Variants in COL6A2 observed in about 807,000 individuals in gnomAD.
COL6A2 encodes collagen type VI alpha 2 chain.
A neutral mutation model predicts 124.9 loss-of-function variants in COL6A2; 90 were observed. That is an observed-to-expected ratio of 0.72 (90% CI 0.61 to 0.86). The LOEUF (loss-of-function observed/expected upper bound fraction) is 0.86. COL6A2 is among the 40% of genes least tolerant of loss of function. The pLI, the probability that COL6A2 is intolerant of heterozygous loss-of-function variation, is 0.00. For missense variants in COL6A2, 1,607 were observed against 1,502.5 expected (o/e 1.07, Z -1.15); for synonymous variants, 793 against 618.2 (o/e 1.28, Z -4.19).
rs572345625 is a variant in COL6A2 at position 46,116,049 on chromosome 21, C to T, written c.896C>T (p.Pro299Leu). ...GIEGPIGFPG[P>L]KGVPGFKGEK... ...GAAGGCCCCATTGGATTCCCAGGAC[C>T]CAAGGTGAGTGACCTCGGCCAGGGG... is the stretch of plus-strand genomic sequence containing the variant. Residue 299 changes from proline (P) to leucine (L), a missense_variant, in exon 7 of 28, where the codon CCC becomes CTC. Pro to Leu is a moderately conservative substitution (Grantham distance 98). Coordinates refer to ENST00000300527, the MANE Select transcript of COL6A2 (RefSeq NM_001849.4). The surrounding 1 kb of genome is among the most constrained non-coding windows in gnomAD (Gnocchi z 4.6). 3 of 1,590,210 alleles carry T rather than the reference C, an allele frequency of 1.9e-6. No individual in the cohort carries two copies. The highest frequency in any genetic ancestry group is 1.3e-5 in the African/African-American group (1 of 74,212).
At chr21:46,129,643 A>C (rs73161620) in intron 27 of COL6A2, 5 of 1,425,114 alleles carry the variant, frequency 3.5e-6, no homozygotes, top group Non-Finnish European at 4.6e-6. Flanking sequence ...GGCAGCTCCC[A>C]GCCTCTTCCC....
At chr21:46,123,336 C>T (rs2078597463) in intron 21 of COL6A2, among the ~76,000 whole-genome samples, 5 of 150,748 alleles carry the variant, frequency 3.3e-5, no homozygotes. Flanking sequence ...CATAGCATCC[C>T]CCTCAGAGTT....
rs1220418572 is a variant in COL6A2 at position 46,118,501 on chromosome 21, C to CA, written c.1117-112dup. 3.1e-6 allele frequency: 3 copies of CA among 981,186 alleles called. No homozygotes were observed. In the East Asian group the frequency reaches 7.7e-5, roughly 25 times the overall value. 60.8% of individuals were successfully genotyped at this position (981,186 alleles called of 1,614,324 possible). On this transcript the variant is annotated intron_variant, in intron 12 of 27. Transcript: ENST00000300527. ...TCTGGCATCCCAGGTGCCCCGTGGA[C>CA]ATCAGGGAGGTGCAGTCCCAAGCCC...
chr21:46,130,728 A>G (rs1300101856), intron 27 of COL6A2, among the ~76,000 whole-genome samples: 1 of 152,118 alleles, frequency 6.6e-6, no homozygotes, highest in Non-Finnish European at 1.5e-5. Flanking sequence ...TGAAAATGTT[A>G]TTAGTTTTGA....
chr21:46,121,813 G>A (rs1302512404), intron 18 of COL6A2, among the ~76,000 whole-genome samples, 195 bp downstream of exon 18: 2 of 152,142 alleles, frequency 1.3e-5, no homozygotes, highest in African/African-American at 4.8e-5. Context: ...CTCTTCAGCA[G>A]TGACCCTTGG....
rs886042690 is a variant in COL6A2, at chr21:46,112,147, G to C, written c.284G>C (p.Arg95Pro). The C allele has an allele frequency of 6.2e-7, 1 of 1,612,968 alleles. No individual in the cohort carries two copies. Among genetic ancestry groups the C allele is most frequent in the Non-Finnish European group, 8.5e-7 (1 of 1,180,040 alleles). Residue 95 changes from arginine (R) to proline (P), a missense_variant, in exon 3 of 28, where the codon CGC (arginine) becomes CCC (proline). Around this residue, in one of 3 missense-constraint regions of COL6A2, gnomAD observed 342 missense variants for 381.5 expected, o/e 0.90. Transcript: ENST00000300527. The stretch of plus-strand genomic sequence containing the variant: ...CTGGACCAGGTGGCGCTGAGCTGGC[G>C]CTACGGCGGCCTGCACTTCTCTGAC... ...FYLDQVALSWRYGGLHFSDQV... is the reference protein window; with the variant it reads ...FYLDQVALSWPYGGLHFSDQV...
At position 46,111,962 on chromosome 21, in the gene COL6A2, GGTCCTGT is replaced by G. The variant is rs1303183232; in HGVS notation, c.116-15_116-9del. ...TCCCTCCTGAGGCTGGCTCGTGACA[GGTCCTGT>G]GCCCCACAGAGAAGACCGACTGCCC... On this transcript the variant is annotated splice_polypyrimidine_tract_variant and intron_variant, in intron 2 of 27. Transcript: ENST00000300527. 1 of 1,608,210 alleles carries G rather than the reference GGTCCTGT, an allele frequency of 6.2e-7. No individual in the cohort carries two copies. Among genetic ancestry groups the G allele is most frequent in the African/African-American group, 1.3e-5 (1 of 74,866 alleles).
At chr21:46,124,551 C>G in intron 21 of COL6A2, 100 bp from the exon 22 acceptor site, 1 of 1,104,782 alleles carries the variant, frequency 9.1e-7, no homozygotes. Context: ...CCCCCCCCGC[C>G]AAGGGAGGAC....
chr21:46,129,115 C>A, intron 27 of COL6A2: 1 of 1,606,554 alleles, frequency 6.2e-7, no homozygotes, highest in Non-Finnish European at 8.5e-7. Context: ...ACTCTGGCCT[C>A]GCTGAGCGGC....
rs761951778 is a variant in COL6A2, at chr21:46,116,148, AC to A, written c.900+98del. ...CCCAGCCTCGGCCTCAGCCTCTACG[AC>A]CCTCCCCCCAGTTACCAAGGAACAG... On this transcript the variant is annotated intron_variant, in intron 7 of 27. Transcript: ENST00000300527. The surrounding 1 kb of genome is among the most constrained non-coding windows in gnomAD (Gnocchi z 4.6). 32 of 1,319,428 alleles carry A rather than the reference AC, an allele frequency of 2.4e-5. No homozygotes were observed. Among genetic ancestry groups the A allele is most frequent in the Non-Finnish European group, 3.4e-5 (32 of 939,416 alleles). 81.7% of individuals were successfully genotyped at this position (1,319,428 alleles called of 1,614,324 possible).
chr21:46,116,017 G>C lies in COL6A2; in HGVS notation c.864G>C (p.Pro288=), dbSNP rs375307603. ...TGCGTTGTCCTTCACAGGGAGACCC[G>C]GGCATCGAAGGCCCCATTGGATTCC... is the stretch of plus-strand genomic sequence containing the variant. ...EPGQKGRQGD[P]GIEGPIGFPG... is the part of the protein sequence containing the mutation. The change falls in exon 7 of 28, where the codon CCG becomes CCC. Residue 288 remains proline (P), a synonymous_variant. Coordinates refer to ENST00000300527, the MANE Select transcript of COL6A2 (RefSeq NM_001849.4). This position sits in a 1 kb window ranked among gnomAD's most constrained non-coding sequence, Gnocchi z 4.6. 1 of 1,606,568 alleles carries C rather than the reference G, an allele frequency of 6.2e-7. No individual in the cohort carries two copies. The highest frequency in any genetic ancestry group is 1.7e-5 in the Admixed American group (1 of 58,944).
rs955264589 is a variant in COL6A2 at position 46,132,651 on chromosome 21, G to C, written c.*99G>C. ...ACACGGCCAGCACCGCTGCTCACTC[G>C]GACGACGCCCTGGGCCTGCACCTCT... On this transcript the variant is annotated 3_prime_UTR_variant, in exon 28 of 28. Coordinates refer to ENST00000300527, the MANE Select transcript of COL6A2 (RefSeq NM_001849.4). 3.2e-6 allele frequency: 4 copies of C among 1,234,766 alleles called. No homozygotes were observed. In the South Asian group the frequency reaches 3.9e-5, roughly 12 times the overall value. 76.5% of individuals were successfully genotyped at this position (1,234,766 alleles called of 1,614,324 possible). A position where few individuals can be genotyped will look rare whatever the true frequency, so the allele number is the denominator to read the frequency against.
intron 19 of COL6A2, 61 bp downstream of exon 19, chr21:46,122,219 G>C: frequency 1.9e-6 from 3 of 1,577,802 alleles, no homozygotes; most frequent in Non-Finnish European, 2.6e-6. Context: ...CAAGGGCCCT[G>C]AAGATTCCTA....
At chr21:46,105,633 T>TA (rs1272388165) in intron 1 of COL6A2, among the ~76,000 whole-genome samples, 4 of 152,320 alleles carry the variant, frequency 2.6e-5, no homozygotes, top group African/African-American at 9.6e-5. Context: ...CCATTGAAGC[T>TA]AAACTGGTAT....
chr21:46,114,647 TA>T (rs1394373601), intron 5 of COL6A2, among the ~76,000 whole-genome samples: 1 of 152,242 alleles, frequency 6.6e-6, no homozygotes, highest in Non-Finnish European at 1.5e-5. Context: ...CTACACTTAA[TA>T]ATATGATTGC....
chr21:46,108,911 T>C (rs1432611153), intron 1 of COL6A2, among the ~76,000 whole-genome samples: 1 of 151,944 alleles, frequency 6.6e-6, no homozygotes, highest in Non-Finnish European at 1.5e-5. Context: ...CACAGACAAG[T>C]GGAGGGTGTG....
chr21:46,112,988 C>T, intron 4 of COL6A2, 164 bp downstream of exon 4: 1 of 862,950 alleles, frequency 1.2e-6, no homozygotes, highest in Non-Finnish European at 1.9e-6. Context: ...GGAGAAAGGG[C>T]TCCCAGCCAA....
At chr21:46,131,861 G>T (rs909854824) in intron 27 of COL6A2, 93 bp from the exon 28 acceptor site, 2 of 1,192,908 alleles carry the variant, frequency 1.7e-6, no homozygotes, top group Non-Finnish European at 2.4e-6. Flanking sequence ...GTTGCAGGCA[G>T]GGTGCGAATG....
At chr21:46,125,710 C>T (rs2078652969) in intron 25 of COL6A2, 75 bp from the exon 26 acceptor site, 14 of 1,595,178 alleles carry the variant, frequency 8.8e-6, no homozygotes, top group South Asian at 6.7e-5. Context: ...GTCCCTCCAA[C>T]GAGGGCCTCT....
Sources: gnomAD v4.1 joint callset for allele counts (sites outside exome capture counted in the v4.1 genomes callset) on GRCh38, gnomAD v4.1.1 for gene constraint, gnomAD v4.1.1 regional missense constraint, Gnocchi (gnomAD v3.1) non-coding constraint, MANE v1.5 for transcripts, NCBI Gene and HGNC (gene_info 2026-07-23, HGNC 2026-07-21) for gene names.